CACNA1C: variants seen among roughly 807,000 people sequenced by gnomAD.
The protein encoded by CACNA1C is calcium voltage-gated channel subunit alpha1 C.
A neutral mutation model predicts 229.0 loss-of-function variants in CACNA1C; 30 were observed. The observed-to-expected ratio is 0.13, with a 90% CI of 0.10 to 0.18. CACNA1C has a LOEUF of 0.18. Ranked by LOEUF, CACNA1C falls within the 10% of genes least tolerant of loss-of-function variation. CACNA1C has a pLI of 1.00. For missense variants in CACNA1C, 1,658 were observed against 2,845.0 expected (o/e 0.58, Z 9.49); for synonymous variants, 1,114 against 1,132.5 (o/e 0.98, Z 0.33).
chr12:2,159,390 G>A (rs997864976), intron 3 of CACNA1C, among the ~76,000 whole-genome samples: 2 of 152,076 alleles, frequency 1.3e-5, no homozygotes, highest in African/African-American at 4.8e-5. Flanking sequence ...AGCTACTCAG[G>A]AGGCTGAGGT....
At chr12:2,591,261 G>C (rs1339616705) in intron 18 of CACNA1C, among the ~76,000 whole-genome samples, 2 of 151,974 alleles carry the variant, frequency 1.3e-5, no homozygotes, top group Non-Finnish European at 2.9e-5. Flanking sequence ...ACCAGAAGAG[G>C]GAGAACATGC....
At chr12:2,018,940 T>TA (rs527349646) in intron 1 of CACNA1C, among the ~76,000 whole-genome samples, 4 of 151,770 alleles carry the variant, frequency 2.6e-5, no homozygotes, top group Admixed American at 6.6e-5. Context: ...AAGGTTTTAA[T>TA]AAAAAAAACA....
chr12:2,431,776 G>T (rs1016810889), intron 3 of CACNA1C, among the ~76,000 whole-genome samples: 1 of 152,182 alleles, frequency 6.6e-6, no homozygotes, highest in Non-Finnish European at 1.5e-5. Flanking sequence ...TGGCAATGGA[G>T]GAGTCCCCCA....
chr12:2,629,253 G>A (rs1486749984), intron 29 of CACNA1C, among the ~76,000 whole-genome samples: 5 of 152,210 alleles, frequency 3.3e-5, no homozygotes, highest in Admixed American at 2.6e-4. Context: ...CTTGGGAAGT[G>A]TTCCTCCAGT....
chr12:2,391,337 G>C (rs548275175), intron 3 of CACNA1C, among the ~76,000 whole-genome samples: 1 of 152,320 alleles, frequency 6.6e-6, no homozygotes, highest in Non-Finnish European at 1.5e-5. Context: ...TGCACTGATA[G>C]AAGATGTGAT....
At chr12:2,019,342 T>C (rs1018558457) in intron 1 of CACNA1C, among the ~76,000 whole-genome samples, 3 of 152,022 alleles carry the variant, frequency 2.0e-5, no homozygotes, top group Admixed American at 6.6e-5. Context: ...CACGTGCCTG[T>C]AGTCCCAGCC....
intron 3 of CACNA1C, among the ~76,000 whole-genome samples, chr12:2,363,345 C>G (rs2097620295): frequency 6.6e-6 from 1 of 152,246 alleles, no homozygotes; most frequent in Admixed American, 6.5e-5. Context: ...TTCTTCCCCT[C>G]TCCATATCAT....
At chr12:2,035,355 T>G (rs750200317) in intron 1 of CACNA1C, among the ~76,000 whole-genome samples, 7 of 152,224 alleles carry the variant, frequency 4.6e-5, no homozygotes, top group Non-Finnish European at 7.3e-5. Context: ...AGAAGGGCTC[T>G]GTTTCTTGGA....
intron 4 of CACNA1C, among the ~76,000 whole-genome samples, chr12:2,451,257 G>A (rs929083741): frequency 1.3e-5 from 2 of 152,178 alleles, no homozygotes; most frequent in African/African-American, 4.8e-5. Flanking sequence ...GTAAACCATA[G>A]CAAAAGTCCT....
intron 3 of CACNA1C, among the ~76,000 whole-genome samples, chr12:2,423,256 A>G (rs1595877378): frequency 6.6e-6 from 1 of 152,060 alleles, no homozygotes; most frequent in Non-Finnish European, 1.5e-5. Flanking sequence ...TTGACAGAGC[A>G]CTTGCATGTA....
chr12:2,577,833 C>G (rs754896818), intron 13 of CACNA1C, among the ~76,000 whole-genome samples: 2 of 151,802 alleles, frequency 1.3e-5, no homozygotes, highest in African/African-American at 2.4e-5. Flanking sequence ...CACATTCTGG[C>G]GAGGGCAAGC....
chr12:2,332,046 A>C (rs539748240), intron 3 of CACNA1C, among the ~76,000 whole-genome samples: 1 of 152,178 alleles, frequency 6.6e-6, no homozygotes, highest in South Asian at 2.1e-4. Context: ...TCCATGTTAA[A>C]TTTCTTATTT....
At chr12:2,532,295 C>G (rs1846135129) in intron 9 of CACNA1C, among the ~76,000 whole-genome samples, 1 of 152,122 alleles carries the variant, frequency 6.6e-6, no homozygotes, top group South Asian at 2.1e-4. Flanking sequence ...TTGCCTCTGG[C>G]CCAGGCAGGC....
At chr12:2,325,996 G>A (rs1167021657) in intron 3 of CACNA1C, among the ~76,000 whole-genome samples, 2 of 152,230 alleles carry the variant, frequency 1.3e-5, no homozygotes, top group African/African-American at 2.4e-5. Flanking sequence ...AGCCCCCTGA[G>A]GACGGCTGTG....
intron 3 of CACNA1C, among the ~76,000 whole-genome samples, chr12:2,175,111 AAAT>A (rs1227986827): frequency 6.6e-6 from 1 of 152,216 alleles, no homozygotes; most frequent in African/African-American, 2.4e-5. Flanking sequence ...AGATTTAAAA[AAAT>A]ATATATCACC....
chr12:1,998,556 G>A (rs536455900), intron 1 of CACNA1C, among the ~76,000 whole-genome samples: 80 of 152,294 alleles, frequency 5.3e-4, no homozygotes, highest in African/African-American at 1.7e-3. Context: ...GGTCTGACCC[G>A]AGATCACTGA....
chr12:2,180,154 G>A (rs2096791463), intron 3 of CACNA1C, among the ~76,000 whole-genome samples: 1 of 152,236 alleles, frequency 6.6e-6, no homozygotes, highest in Non-Finnish European at 1.5e-5. Context: ...TAGATGGATG[G>A]ATGAAGCCTT....
chr12:2,234,265 G>C (rs536740011), intron 3 of CACNA1C, among the ~76,000 whole-genome samples: 36 of 152,308 alleles, frequency 2.4e-4, no homozygotes, highest in African/African-American at 8.4e-4. Flanking sequence ...TTTCTGGCAT[G>C]TGTTAAATTA....
chr12:2,192,411 G>T (rs566320421), intron 3 of CACNA1C, among the ~76,000 whole-genome samples: 1 of 152,080 alleles, frequency 6.6e-6, no homozygotes, highest in Non-Finnish European at 1.5e-5. Context: ...CTTCTTCTGC[G>T]CGTGGATTCC....
Sources: allele counts gnomAD v4.1 joint callset (sites outside exome capture counted in the v4.1 genomes callset), GRCh38; gene constraint gnomAD v4.1.1; transcripts MANE v1.5; gene names NCBI Gene and HGNC (gene_info 2026-07-23, HGNC 2026-07-21).